Variants in AGMO observed in about 807,000 individuals in gnomAD.
The protein encoded by AGMO is alkylglycerol monooxygenase.
In AGMO, 75 loss-of-function variants were observed where a neutral mutation model predicts 60.2. That is an observed-to-expected ratio of 1.25 (90% CI 1.03 to 1.51). The LOEUF is 1.51. Among genes scored for constraint, AGMO ranks in the 40% most tolerant of loss-of-function variants. The pLI, the probability that AGMO is intolerant of heterozygous loss-of-function variation, is 0.00. For synonymous variants in AGMO, 261 were observed against 177.1 expected, an observed-to-expected ratio of 1.47 and a Z score of -3.76; for missense variants, 763 against 525.5, an observed-to-expected ratio of 1.45 and a Z score of -4.42.
intron 3 of AGMO, among the ~76,000 whole-genome samples, chr7:15,469,927 T>C (rs1782403331): frequency 6.6e-6 from 1 of 152,016 alleles, no homozygotes; most frequent in South Asian, 2.1e-4. Context: ...GCATAGAATA[T>C]GAGGAAAAAC....
At chr7:15,543,909 T>C (rs1784697799) in intron 3 of AGMO, among the ~76,000 whole-genome samples, 1 of 151,798 alleles carries the variant, frequency 6.6e-6, no homozygotes, top group Admixed American at 6.6e-5. Context: ...TTGTACTAGT[T>C]TACCTTCCTA....
intron 10 of AGMO, among the ~76,000 whole-genome samples, chr7:15,378,631 C>A (rs141930732): frequency 6.6e-6 from 1 of 151,750 alleles, no homozygotes; most frequent in Admixed American, 6.6e-5. Flanking sequence ...AATATTAGAT[C>A]ATCCAGACAG....
intron 6 of AGMO, among the ~76,000 whole-genome samples, chr7:15,391,553 G>T (rs74344028): frequency 6.6e-6 from 1 of 151,976 alleles, no homozygotes; most frequent in Admixed American, 6.6e-5. Context: ...TAAATCTTAA[G>T]AAAAAGAATA....
intron 12 of AGMO, among the ~76,000 whole-genome samples, chr7:15,288,475 ATTTT>A (rs897333336): frequency 6.6e-6 from 1 of 152,080 alleles, no homozygotes; most frequent in African/African-American, 2.4e-5. Flanking sequence ...TGAATCTTTT[ATTTT>A]TTGTTTCCCT....
At chr7:15,546,534 C>A (rs562144503) in intron 2 of AGMO, among the ~76,000 whole-genome samples, 1 of 152,346 alleles carries the variant, frequency 6.6e-6, no homozygotes. Context: ...GGGCAGACCT[C>A]TGCAGGTGTC....
chr7:15,393,737 ACT>A (rs1784247411), intron 6 of AGMO, among the ~76,000 whole-genome samples: 2 of 152,178 alleles, frequency 1.3e-5, no homozygotes, highest in African/African-American at 4.8e-5. Context: ...AAGACCACTA[ACT>A]CTCTGACTAT....
intron 12 of AGMO, among the ~76,000 whole-genome samples, chr7:15,298,243 T>G (rs1460929643): frequency 6.6e-6 from 1 of 152,222 alleles, no homozygotes; most frequent in Non-Finnish European, 1.5e-5. Flanking sequence ...GAATATTTAA[T>G]TAGCTCAACA....
intron 3 of AGMO, among the ~76,000 whole-genome samples, chr7:15,495,856 CTCTCTCTCTCCTCT>C (rs1562536437): frequency 6.8e-6 from 1 of 146,044 alleles, no homozygotes; most frequent in African/African-American, 2.5e-5. Flanking sequence ...TCTCTCTCCT[CTCTCTCTCTCCTCT>C]CTCTCTCTCA....
rs116277891 is a variant in AGMO at position 15,486,183 on chromosome 7, C to A, written c.410-55075G>T. ...TATTACATTTGCAAGCAGACATGGG[C>A]TATAACATTAGTGTTCAGTATCTAG... is the stretch of plus-strand genomic sequence containing the variant. On this transcript the variant is annotated intron_variant, in intron 3 of 12. Coordinates refer to ENST00000342526, the MANE Select transcript of AGMO (RefSeq NM_001004320.2). Among the ~76,000 whole-genome samples the A allele has an allele frequency of 6.0e-3, 911 of 152,140 alleles. 14 individuals carry two copies. Among genetic ancestry groups the A allele is most frequent in the African/African-American group, 0.021 (869 of 41,510 alleles).
At chr7:15,383,939 T>C (rs1401042156) in intron 10 of AGMO, among the ~76,000 whole-genome samples, 2 of 152,120 alleles carry the variant, frequency 1.3e-5, no homozygotes, top group Non-Finnish European at 2.9e-5. Flanking sequence ...CATCTATTTT[T>C]TTTTTCGTTT....
At chr7:15,181,086 T>C in the AGMO span, among the ~76,000 whole-genome samples, 1 of 152,136 alleles carries the variant, frequency 6.6e-6, no homozygotes, top group Non-Finnish European at 1.5e-5. Flanking sequence ...CATGACCTAA[T>C]CACCTCTTAA....
intron 3 of AGMO, among the ~76,000 whole-genome samples, chr7:15,511,808 A>G (rs1783681100): frequency 6.6e-6 from 1 of 152,178 alleles, no homozygotes; most frequent in African/African-American, 2.4e-5. Flanking sequence ...TTAACTTACA[A>G]AACAAAAAAG....
chr7:15,157,925 C>A, the AGMO span, among the ~76,000 whole-genome samples: 94 of 152,220 alleles, frequency 6.2e-4, no homozygotes, highest in African/African-American at 2.2e-3. Flanking sequence ...CTTGTGAGTG[C>A]TAGTTGAAAT....
chr7:15,400,188 G>T (rs1183044009), intron 5 of AGMO, among the ~76,000 whole-genome samples: 1 of 152,130 alleles, frequency 6.6e-6, no homozygotes, highest in Admixed American at 6.6e-5. Flanking sequence ...TTTGACAATA[G>T]TATATTCAAT....
At chr7:15,331,417 T>A (rs975661137) in intron 12 of AGMO, among the ~76,000 whole-genome samples, 1 of 152,054 alleles carries the variant, frequency 6.6e-6, no homozygotes, top group Non-Finnish European at 1.5e-5. Context: ...AAAAAATATA[T>A]ATAATGAGAT....
At chr7:15,180,138 T>C in the AGMO span, among the ~76,000 whole-genome samples, 1 of 152,186 alleles carries the variant, frequency 6.6e-6, no homozygotes, top group African/African-American at 2.4e-5. Flanking sequence ...AGTAATCTCT[T>C]TAGCAAAAGG....
At chr7:15,119,302 T>A in the AGMO span, among the ~76,000 whole-genome samples, 2 of 152,150 alleles carry the variant, frequency 1.3e-5, no homozygotes, top group African/African-American at 4.8e-5. Flanking sequence ...CAGAAGTTGA[T>A]GCTGCCATGC....
intron 3 of AGMO, among the ~76,000 whole-genome samples, chr7:15,530,576 A>ACACG (rs1784282799): frequency 9.2e-6 from 1 of 108,208 alleles, no homozygotes; most frequent in East Asian, 2.6e-4. Flanking sequence ...TATATTCTAT[A>ACACG]TACGTATTTC....
At chr7:15,403,284 C>G (rs1300140312) in intron 5 of AGMO, among the ~76,000 whole-genome samples, 1 of 150,880 alleles carries the variant, frequency 6.6e-6, no homozygotes, top group African/African-American at 2.5e-5. Flanking sequence ...TGCAAATACT[C>G]TCATTGGTTA....
Sources: allele counts gnomAD v4.1 joint callset (sites outside exome capture counted in the v4.1 genomes callset), GRCh38; gene constraint gnomAD v4.1.1; transcripts MANE v1.5; gene names NCBI Gene and HGNC (gene_info 2026-07-23, HGNC 2026-07-21).